Variants in PPP2CB observed in about 807,000 individuals in gnomAD.
PPP2CB encodes serine/threonine-protein phosphatase 2A catalytic subunit beta isoform.
A neutral mutation model predicts 39.1 loss-of-function variants in PPP2CB; 18 were observed. The ratio of observed to expected loss-of-function variants is 0.46; its 90% CI spans 0.32 to 0.68. The LOEUF is 0.68. Ranked by LOEUF, PPP2CB falls within the 30% of genes least tolerant of loss-of-function variation. PPP2CB has a pLI of 0.04. For missense variants in PPP2CB, 226 were observed against 396.9 expected, an observed-to-expected ratio of 0.57 and a Z score of 3.66; for synonymous variants, 129 against 133.8, an observed-to-expected ratio of 0.96 and a Z score of 0.25.
chr8:30,804,724 T>C (rs2128762362), intron 1 of PPP2CB, among the ~76,000 whole-genome samples: 1 of 152,258 alleles, frequency 6.6e-6, no homozygotes, highest in South Asian at 2.1e-4. Context: ...CTGAACTTTA[T>C]TTTTTGTCTG....
chr8:30,802,547 C>T (rs962304797), intron 1 of PPP2CB, among the ~76,000 whole-genome samples: 4 of 152,070 alleles, frequency 2.6e-5, no homozygotes, highest in Non-Finnish European at 4.4e-5. Flanking sequence ...GTGGTGTGAA[C>T]GTAGCTCACT....
At chr8:30,812,269 G>C in intron 1 of PPP2CB, 51 bp downstream of exon 1, 1 of 1,354,670 alleles carries the variant, frequency 7.4e-7, no homozygotes, top group East Asian at 3.3e-5. Flanking sequence ...CAGGAAAGCG[G>C]CGGCCCGTCC....
chr8:30,791,579 C>T (rs1806429965), intron 5 of PPP2CB: 1 of 254,246 alleles, frequency 3.9e-6, no homozygotes, highest in Non-Finnish European at 7.3e-6. Flanking sequence ...AGGATGTGTA[C>T]TGAATTTCTC....
chr8:30,793,045 T>A (rs1806463834), intron 5 of PPP2CB: 1 of 152,176 alleles, frequency 6.6e-6, no homozygotes, highest in South Asian at 2.1e-4. Flanking sequence ...AGTGGAGAAA[T>A]CTGGCAGACA....
chr8:30,804,852 C>T (rs1806691892), intron 1 of PPP2CB, among the ~76,000 whole-genome samples: 1 of 151,938 alleles, frequency 6.6e-6, no homozygotes, highest in South Asian at 2.1e-4. Context: ...AAGTAAACCA[C>T]ATTATAAAGA....
intron 5 of PPP2CB, chr8:30,793,246 T>C (rs1806467293): frequency 6.6e-6 from 1 of 152,148 alleles, no homozygotes; most frequent in Non-Finnish European, 1.5e-5. Context: ...TTCTGTAAGA[T>C]AAAATGCTCC....
In PPP2CB at chr8:30,799,629, C is replaced by A; in HGVS notation, c.229G>T (p.Asp77Tyr). The change falls in exon 2 of 7, where the codon GAT becomes TAT. Residue 77 changes from aspartate (D) to tyrosine (Y), a missense_variant. Asp to Tyr is a radical substitution (Grantham distance 160, BLOSUM62 -3). Transcript: ENST00000221138. ...TCACCCATGAATAAGTAGTTTGTATCCGGTGATTTTCCACCAATTCTAAAG... is the reference window on the plus strand; with the variant it reads ...TCACCCATGAATAAGTAGTTTGTATACGGTGATTTTCCACCAATTCTAAAG... ...ELFRIGGKSP[D>Y]TNYLFMGDYV... The A allele has an allele frequency of 2.5e-6, 4 of 1,613,944 alleles. No individual in the cohort carries two copies. The highest frequency in any genetic ancestry group is 3.4e-6 in the Non-Finnish European group (4 of 1,179,890).
chr8:30,791,788 G>A (rs1806433915), intron 5 of PPP2CB, among the ~76,000 whole-genome samples: 1 of 151,422 alleles, frequency 6.6e-6, no homozygotes, highest in East Asian at 1.9e-4. Flanking sequence ...ATTAGCTATA[G>A]TATTATATAT....
intron 1 of PPP2CB, 91 bp downstream of exon 1, chr8:30,812,229 C>T: frequency 1.0e-6 from 1 of 957,952 alleles, no homozygotes; most frequent in South Asian, 4.8e-5. Flanking sequence ...TGGGCCGCGC[C>T]GGGCCAGGGG....
chr8:30,796,655 C>T (rs1334052902), intron 3 of PPP2CB, among the ~76,000 whole-genome samples: 1 of 152,120 alleles, frequency 6.6e-6, no homozygotes, highest in African/African-American at 2.4e-5. Context: ...TCCTAAAGTG[C>T]TGGGATTACA....
chr8:30,795,305 G>C (rs995679288), intron 3 of PPP2CB, among the ~76,000 whole-genome samples: 8 of 152,024 alleles, frequency 5.3e-5, no homozygotes, highest in Admixed American at 5.2e-4. Context: ...AGTAGAGACA[G>C]GGTTTCTCCA....
chr8:30,787,067 T>G (rs766217543), intron 6 of PPP2CB, among the ~76,000 whole-genome samples: 4 of 152,202 alleles, frequency 2.6e-5, no homozygotes, highest in Non-Finnish European at 5.9e-5. Flanking sequence ...TTAATATTAA[T>G]ATGGTTTATT....
chr8:30,792,060 ATGTG>A (rs200977457), intron 5 of PPP2CB, among the ~76,000 whole-genome samples: 4 of 148,082 alleles, frequency 2.7e-5, no homozygotes, highest in Admixed American at 1.3e-4. Context: ...TAGTGTATGT[ATGTG>A]TGTATATACA....
At position 30,791,315 on chromosome 8, in the gene PPP2CB, C is replaced by T. The variant is rs1314719530; in HGVS notation, c.739G>A (p.Gly247Arg). 6.3e-7 allele frequency: 1 copy of T among 1,581,568 alleles called. No homozygotes were observed. The highest frequency in any genetic ancestry group is 8.6e-7 in the Non-Finnish European group (1 of 1,158,600). Reference sequence around the variant, plus strand: ...TTCCGATCATGACACCAATTGTATCCCTGCAGGATAAAAACAAATTCATTA... The same window carrying T: ...TTCCGATCATGACACCAATTGTATCTCTGCAGGATAAAAACAAATTCATTA... The part of the protein sequence containing the change: ...VSRAHQLVME[G>R]YNWCHDRNVV... The change falls in exon 6 of 7, where the codon GGA (glycine) becomes AGA (arginine). Residue 247 changes from glycine to arginine, a missense_variant and splice_region_variant. Physicochemically the swap from Gly to Arg is moderately radical, Grantham distance 125. Around this residue, in one of 4 missense-constraint regions of PPP2CB, gnomAD observed 56 missense variants for 92.0 expected, o/e 0.61. Transcript: ENST00000221138.
chr8:30,804,062 C>A (rs1434276757), intron 1 of PPP2CB, among the ~76,000 whole-genome samples: 6 of 152,116 alleles, frequency 3.9e-5, no homozygotes, highest in African/African-American at 1.2e-4. Context: ...ACCTCGTGAT[C>A]CGCCCGCCTC....
intron 1 of PPP2CB, among the ~76,000 whole-genome samples, chr8:30,807,124 G>A (rs1291206997): frequency 6.6e-6 from 1 of 152,122 alleles, no homozygotes; most frequent in Non-Finnish European, 1.5e-5. Context: ...CTGTAATCAT[G>A]CCATTCTTCA....
At chr8:30,797,812 A>G in intron 2 of PPP2CB, 58 bp from the exon 3 acceptor site, 2 of 1,539,806 alleles carry the variant, frequency 1.3e-6, no homozygotes, top group Non-Finnish European at 1.8e-6. Flanking sequence ...TGTCATGTGA[A>G]GTACACCAGT....
chr8:30,803,650 T>G (rs370111682), intron 1 of PPP2CB, among the ~76,000 whole-genome samples: 1 of 152,054 alleles, frequency 6.6e-6, no homozygotes, highest in Non-Finnish European at 1.5e-5. Context: ...GTGATTCTCA[T>G]GTGCGCTTAA....
intron 3 of PPP2CB, among the ~76,000 whole-genome samples, chr8:30,794,772 T>A (rs556617335): frequency 6.6e-6 from 1 of 152,306 alleles, no homozygotes; most frequent in South Asian, 2.1e-4. Flanking sequence ...CCAGCTGTCA[T>A]TACAGCTTCT....
Sources: gnomAD v4.1 joint callset for allele counts (sites outside exome capture counted in the v4.1 genomes callset) on GRCh38, gnomAD v4.1.1 for gene constraint, gnomAD v4.1.1 regional missense constraint, MANE v1.5 for transcripts, NCBI Gene and HGNC (gene_info 2026-07-23, HGNC 2026-07-21) for gene names.